Variants in PLAUR observed in about 807,000 individuals in gnomAD.
PLAUR encodes the protein urokinase plasminogen activator surface receptor.
In PLAUR, 22 loss-of-function variants were observed where a neutral mutation model predicts 33.4. That is an observed-to-expected ratio of 0.66 (90% confidence interval 0.47 to 0.94). The LOEUF (loss-of-function observed/expected upper bound fraction) is 0.94. PLAUR is among the 40% of genes least tolerant of loss of function. PLAUR has a pLI of 0.00. For missense variants in PLAUR, 408 were observed against 434.7 expected, an observed-to-expected ratio of 0.94 and a Z score of 0.55; for synonymous variants, 148 against 167.3, an observed-to-expected ratio of 0.88 and a Z score of 0.89.
intron 4 of PLAUR, among the ~76,000 whole-genome samples, chr19:43,655,997 G>T (rs1974193039): frequency 6.6e-6 from 1 of 152,162 alleles, no homozygotes; most frequent in South Asian, 2.1e-4. Context: ...GCTCACGCTT[G>T]TAATCCCAGC....
chr19:43,659,169 T>TTTTTTTTC (rs1974336127), intron 3 of PLAUR, among the ~76,000 whole-genome samples: 1 of 134,920 alleles, frequency 7.4e-6, no homozygotes, highest in African/African-American at 2.8e-5. Context: ...TTTCTTTTCT[T>TTTTTTTTC]TTTTTTTTTT....
intron 6 of PLAUR, among the ~76,000 whole-genome samples, chr19:43,650,011 T>G (rs1181341242): frequency 3.8e-5 from 5 of 132,268 alleles, no homozygotes; most frequent in Non-Finnish European, 7.6e-5. Context: ...CATTACGCTT[T>G]TTTTTTGTTT....
At chr19:43,653,678 A>G (rs536885746) in intron 5 of PLAUR, among the ~76,000 whole-genome samples, 1 of 150,344 alleles carries the variant, frequency 6.7e-6, no homozygotes, top group South Asian at 2.1e-4. Context: ...AGAAAGGAAG[A>G]AAGAAAGAAA....
At chr19:43,662,030 C>G (rs899024717) in intron 3 of PLAUR, among the ~76,000 whole-genome samples, 1 of 152,108 alleles carries the variant, frequency 6.6e-6, no homozygotes, top group African/African-American at 2.4e-5. Flanking sequence ...CTGTGCCTAG[C>G]CTGAATAGCT....
chr19:43,656,788 T>C lies in PLAUR; in HGVS notation c.311-148A>G, dbSNP rs192443664. 4 of 634,170 alleles carry C rather than the reference T, an allele frequency of 6.3e-6. No individual in the cohort carries two copies. The East Asian group carries it at 1.2e-4, about 19-fold the overall frequency. The allele number at this position is 634,170 out of a possible 1,614,324, so 39.3% of individuals were successfully genotyped here. ...GCCTATTCTGCCTGCTGAATCTTTC[T>C]AGAATCCACCCCCTCCTTTCCAGCC... On this transcript the variant is annotated intron_variant, in intron 3 of 6. Transcript: ENST00000340093.
downstream of PLAUR, among the ~76,000 whole-genome samples, chr19:43,647,938 CTTTT>C (rs564922094): frequency 1.5e-5 from 2 of 133,216 alleles, no homozygotes; most frequent in South Asian, 2.4e-4. Context: ...TTAGAGAGCC[CTTTT>C]TTTTTTTTTT....
downstream of PLAUR, among the ~76,000 whole-genome samples, chr19:43,646,979 C>T (rs777832476): frequency 6.6e-6 from 1 of 151,908 alleles, no homozygotes; most frequent in African/African-American, 2.4e-5. Context: ...CGGGGTTTTG[C>T]CAAATTGGCC....
intron 5 of PLAUR, among the ~76,000 whole-genome samples, chr19:43,653,782 C>G (rs1244517673): frequency 6.6e-6 from 1 of 152,182 alleles, no homozygotes; most frequent in East Asian, 1.9e-4. Context: ...GAGTTTGATA[C>G]CAGCCCCGGC....
downstream of PLAUR, among the ~76,000 whole-genome samples, chr19:43,648,184 AT>A (rs916523809): frequency 2.7e-5 from 4 of 150,734 alleles, no homozygotes; most frequent in Admixed American, 6.6e-5. Context: ...GATTTAGCTG[AT>A]TTTTTTTTGA....
chr19:43,656,438 G>A (rs768747985), intron 4 of PLAUR, 41 bp downstream of exon 4: 1 of 1,525,942 alleles, frequency 6.6e-7, no homozygotes, highest in Non-Finnish European at 8.8e-7. Context: ...TTAGGGAGGA[G>A]CAGAGCAGGG....
At position 43,648,892 on chromosome 19, in the gene PLAUR, A is replaced by G. The variant is rs140046361; in HGVS notation, c.1006T>C (p.Ter336GlnextTer2). The change falls in exon 7 of 7, where the codon TAA (stop) becomes CAA (glutamine). Residue 336 changes from the stop codon to glutamine (Q), a stop_lost. Coordinates refer to ENST00000340093, the MANE Select transcript of PLAUR (RefSeq NM_002659.4). The stretch of plus-strand genomic sequence containing the variant: ...GGGCAGAGAGGGGGATTTCAGGTTT[A>G]GGTCCAGAGGAGAGTGCCTCCCCAC... Reference protein sequence around the residue: ...RLWGGTLLWT* With the variant: ...RLWGGTLLWTQ The G allele has an allele frequency of 2.9e-4, 467 of 1,609,922 alleles. 4 individuals are homozygous for G. Among genetic ancestry groups the G allele is most frequent in the Middle Eastern group, 1.9e-3 (11 of 5,750 alleles).
At chr19:43,667,935 G>T in intron 1 of PLAUR, 1 of 1,361,850 alleles carries the variant, frequency 7.3e-7, no homozygotes, top group Non-Finnish European at 9.5e-7. Context: ...GTCCTGCCTT[G>T]GCCCGTTTTT....
intron 6 of PLAUR, among the ~76,000 whole-genome samples, chr19:43,651,466 C>T (rs546949654): frequency 6.6e-4 from 100 of 151,066 alleles, no homozygotes; most frequent in African/African-American, 2.4e-3. Flanking sequence ...ACAAAGTCTC[C>T]CTCTGTCATC....
chr19:43,654,040 C>T (rs1160230260), intron 5 of PLAUR, among the ~76,000 whole-genome samples: 1 of 151,636 alleles, frequency 6.6e-6, no homozygotes, highest in African/African-American at 2.4e-5. Context: ...AGGGGAATGG[C>T]GTGAACCCGG....
chr19:43,659,073 T>G lies in PLAUR; in HGVS notation c.311-2433A>C, dbSNP rs12462098. ...GCCCCTTGAATTCCCCATTTCTAGT[T>G]CTGCCCACTCTGGGTGGTCACTCAT... On this transcript the variant is annotated intron_variant, in intron 3 of 6. Coordinates refer to ENST00000340093, the MANE Select transcript of PLAUR (RefSeq NM_002659.4). 9.7e-3 allele frequency among the ~76,000 whole-genome samples: 1,470 copies of G among 152,100 alleles called. 38 individuals are homozygous for G. The highest frequency in any genetic ancestry group is 0.051 in the Admixed American group (776 of 15,250).
At chr19:43,653,040 T>C (rs924579359) in intron 5 of PLAUR, among the ~76,000 whole-genome samples, 6 of 152,084 alleles carry the variant, frequency 3.9e-5, no homozygotes, top group African/African-American at 1.4e-4. Context: ...CTCAAACTCC[T>C]GGCCTCAGGC....
intron 3 of PLAUR, 66 bp from the exon 4 acceptor site, chr19:43,656,706 G>T: frequency 1.5e-6 from 2 of 1,357,080 alleles, no homozygotes; most frequent in South Asian, 1.4e-5. Context: ...AGCTCTGCAA[G>T]GACTCACTCA....
At chr19:43,660,570 G>C (rs1165387243) in intron 3 of PLAUR, 2 of 151,402 alleles carry the variant, frequency 1.3e-5, no homozygotes, top group African/African-American at 4.9e-5. Flanking sequence ...ATCATCACAG[G>C]AGTTTTGACC....
At position 43,667,697 on chromosome 19, in the gene PLAUR, G is replaced by A; in HGVS notation, c.56-6C>T. The A allele has an allele frequency of 6.2e-7, 1 of 1,613,486 alleles. No homozygotes were observed. Among genetic ancestry groups the A allele is most frequent in the Non-Finnish European group, 8.5e-7 (1 of 1,179,788 alleles). ...GCACCGCAGGCCCCAAGAGGCTGGG[G>A]GAAGGAGGGAGAGGAGAGGAGAGGT... On this transcript the variant is annotated splice_polypyrimidine_tract_variant and splice_region_variant and intron_variant, in intron 1 of 6. Coordinates refer to ENST00000340093, the MANE Select transcript of PLAUR (RefSeq NM_002659.4).
Sources: gnomAD v4.1 joint callset for allele counts (sites outside exome capture counted in the v4.1 genomes callset) on GRCh38, gnomAD v4.1.1 for gene constraint, MANE v1.5 for transcripts, NCBI Gene and HGNC (gene_info 2026-07-23, HGNC 2026-07-21) for gene names.